WWOX: variants seen among roughly 807,000 people sequenced by gnomAD.
WWOX encodes the protein WW domain containing oxidoreductase.
In WWOX, 69 loss-of-function variants were observed where a neutral mutation model predicts 46.2. The ratio of observed to expected loss-of-function variants is 1.49; its 90% CI spans 1.23 to 1.82. The LOEUF (loss-of-function observed/expected upper bound fraction) is 1.82, where lower values mean the gene tolerates loss of function less well. Among genes scored for constraint, WWOX ranks in the 40% most tolerant of loss-of-function variants. The probability of loss-of-function intolerance (pLI) is 0.00; values close to 1 mark genes in which losing one functional copy is unlikely to be tolerated. For missense variants in WWOX, 919 were observed against 542.6 expected, an observed-to-expected ratio of 1.69 and a Z score of -6.89; for synonymous variants, 359 against 202.6, an observed-to-expected ratio of 1.77 and a Z score of -6.56.
chr16:78,287,388 C>T (rs965224984), intron 5 of WWOX, among the ~76,000 whole-genome samples: 1 of 152,092 alleles, frequency 6.6e-6, no homozygotes, highest in African/African-American at 2.4e-5. Context: ...GGTTTTGAAT[C>T]CTTTGAGTTT....
intron 8 of WWOX, among the ~76,000 whole-genome samples, chr16:78,529,293 C>G (rs1022214730): frequency 1.2e-4 from 19 of 152,066 alleles, no homozygotes; most frequent in African/African-American, 4.6e-4. Context: ...TAAAAACAGT[C>G]CTGTTGAGTG....
intron 5 of WWOX, among the ~76,000 whole-genome samples, chr16:78,358,556 G>A (rs112219870): frequency 2.6e-5 from 4 of 152,264 alleles, no homozygotes; most frequent in African/African-American, 7.2e-5. Context: ...TACTCAGGAA[G>A]CTGAGGACTG....
intron 8 of WWOX, among the ~76,000 whole-genome samples, chr16:78,796,647 G>T (rs1014354386): frequency 6.6e-6 from 1 of 152,166 alleles, no homozygotes; most frequent in Non-Finnish European, 1.5e-5. Flanking sequence ...AGGAGTTATT[G>T]TCCATATTTG....
chr16:78,621,929 C>G (rs1403361883), intron 8 of WWOX, among the ~76,000 whole-genome samples: 1 of 152,020 alleles, frequency 6.6e-6, no homozygotes, highest in Non-Finnish European at 1.5e-5. Flanking sequence ...TTTTAGACAA[C>G]TGGACACAGG....
chr16:78,364,949 C>T (rs1431156586), intron 5 of WWOX, among the ~76,000 whole-genome samples: 1 of 152,056 alleles, frequency 6.6e-6, no homozygotes, highest in Non-Finnish European at 1.5e-5. Flanking sequence ...GTTCCTGGTC[C>T]CCAACCTTTC....
intron 8 of WWOX, among the ~76,000 whole-genome samples, chr16:79,185,269 C>T (rs987071040): frequency 6.6e-5 from 10 of 152,150 alleles, no homozygotes; most frequent in African/African-American, 2.4e-4. Context: ...AGGAAACTGC[C>T]TCTCTTCAAT....
chr16:78,368,172 A>G lies in WWOX; in HGVS notation c.517-18688A>G, dbSNP rs531360355. ...TTGTAAGGGCTCAGTAGCGTAGAATAAGGCCATGTCTGTAATCTCCCCTTC... is the reference window on the plus strand; with the variant it reads ...TTGTAAGGGCTCAGTAGCGTAGAATGAGGCCATGTCTGTAATCTCCCCTTC... On this transcript the variant is annotated intron_variant, in intron 5 of 8. Coordinates refer to ENST00000566780, the MANE Select transcript of WWOX (RefSeq NM_016373.4). Among the ~76,000 whole-genome samples, 13 of 152,326 alleles carry G rather than the reference A, an allele frequency of 8.5e-5. No homozygotes were observed. The South Asian group carries it at 2.7e-3, about 32-fold the overall frequency.
chr16:78,995,006 C>G (rs578084631), intron 8 of WWOX, among the ~76,000 whole-genome samples: 1 of 130,180 alleles, frequency 7.7e-6, no homozygotes, highest in Non-Finnish European at 1.5e-5. Context: ...CTCCCAGCCT[C>G]TCTCCTTTCC....
chr16:78,813,348 A>G (rs145818627), intron 8 of WWOX, among the ~76,000 whole-genome samples: 1 of 152,244 alleles, frequency 6.6e-6, no homozygotes, highest in Non-Finnish European at 1.5e-5. Context: ...ATTTAAGTCC[A>G]AGAAGCCTGC....
chr16:78,486,578 T>TTGTTTTGTTG (rs2084643500), intron 8 of WWOX, among the ~76,000 whole-genome samples: 2 of 151,500 alleles, frequency 1.3e-5, no homozygotes, highest in Non-Finnish European at 2.9e-5. Context: ...TTGTTTTGTT[T>TTGTTTTGTTG]TGTTTTGTTT....
chr16:78,845,951 A>G (rs1409272561), intron 8 of WWOX, among the ~76,000 whole-genome samples: 1 of 140,664 alleles, frequency 7.1e-6, no homozygotes, highest in Non-Finnish European at 1.5e-5. Flanking sequence ...TTCCCATAAA[A>G]TAATTCATTT....
chr16:79,078,419 G>C (rs1026671593), intron 8 of WWOX, among the ~76,000 whole-genome samples: 1 of 152,186 alleles, frequency 6.6e-6, no homozygotes, highest in Non-Finnish European at 1.5e-5. Flanking sequence ...GAAGGAGAAA[G>C]TGTCCTGTGT....
At chr16:79,040,041 A>C (rs939277468) in intron 8 of WWOX, among the ~76,000 whole-genome samples, 2 of 152,118 alleles carry the variant, frequency 1.3e-5, no homozygotes, top group Non-Finnish European at 2.9e-5. Flanking sequence ...AATTAGCATC[A>C]CCCTGCTGTG....
chr16:78,485,206 GAA>G (rs1445068312), intron 8 of WWOX, among the ~76,000 whole-genome samples: 1 of 152,106 alleles, frequency 6.6e-6, no homozygotes, highest in Non-Finnish European at 1.5e-5. Context: ...AACTGAGTGG[GAA>G]GTGTAGAGTT....
chr16:78,646,229 A>G (rs1437432893), intron 8 of WWOX, among the ~76,000 whole-genome samples: 1 of 152,112 alleles, frequency 6.6e-6, no homozygotes, highest in Non-Finnish European at 1.5e-5. Flanking sequence ...CTCTATTGCC[A>G]GGCTGATCTC....
chr16:78,510,788 T>C (rs2085342263), intron 8 of WWOX, among the ~76,000 whole-genome samples: 1 of 152,182 alleles, frequency 6.6e-6, no homozygotes, highest in East Asian at 1.9e-4. Context: ...TTGGCAGGAG[T>C]GTTTGTTAAA....
chr16:78,739,067 A>T (rs2049154839), intron 8 of WWOX, among the ~76,000 whole-genome samples: 1 of 152,166 alleles, frequency 6.6e-6, no homozygotes, highest in African/African-American at 2.4e-5. Flanking sequence ...GAATAAAGGA[A>T]TAGAGGGTTC....
At chr16:78,869,581 A>C (rs955963924) in intron 8 of WWOX, among the ~76,000 whole-genome samples, 16 of 152,202 alleles carry the variant, frequency 1.1e-4, no homozygotes, top group African/African-American at 3.9e-4. Context: ...CTGTGTTGAA[A>C]AGGATTTTGA....
In WWOX at chr16:79,185,306, A is replaced by T. The variant is rs539895019; in HGVS notation, c.1057-26302A>T. Among the ~76,000 whole-genome samples, 7 of 152,328 alleles carry T rather than the reference A, an allele frequency of 4.6e-5. No individual in the cohort carries two copies. The East Asian group carries it at 1.3e-3, about 29-fold the overall frequency. ...AGAGCAGAGGCAGTCTCAATAAAAA[A>T]CAAAATTTCAACCCATCCTCCGCTT... On this transcript the variant is annotated intron_variant, in intron 8 of 8. Transcript: ENST00000566780.
Sources: gnomAD v4.1 joint callset for allele counts (sites outside exome capture counted in the v4.1 genomes callset) on GRCh38, gnomAD v4.1.1 for gene constraint, MANE v1.5 for transcripts, NCBI Gene and HGNC (gene_info 2026-07-23, HGNC 2026-07-21) for gene names.